The following LRRC4C variants were observed in gnomAD, a reference collection of about 807,000 sequenced individuals.
The protein encoded by LRRC4C is leucine rich repeat containing 4C.
LRRC4C carries 5 observed loss-of-function variants against 33.6 expected under a neutral mutation model. That is an observed-to-expected ratio of 0.15 (90% confidence interval 0.08 to 0.31). The LOEUF (loss-of-function observed/expected upper bound fraction) is 0.31, where lower values mean the gene tolerates loss of function less well. Ranked by LOEUF, LRRC4C falls within the 10% of genes least tolerant of loss-of-function variation. The pLI, the probability that LRRC4C is intolerant of heterozygous loss-of-function variation, is 1.00. For missense variants in LRRC4C, 560 were observed against 796.7 expected (o/e 0.70, Z 3.58); for synonymous variants, 329 against 302.0 (o/e 1.09, Z -0.93).
intron 2 of LRRC4C, among the ~76,000 whole-genome samples, chr11:40,754,558 A>G (rs1475987354): frequency 6.6e-6 from 1 of 152,202 alleles, no homozygotes; most frequent in East Asian, 1.9e-4. Flanking sequence ...GGTAGCTTCC[A>G]TAAAGCCTAC....
At chr11:40,162,834 A>T (rs1448752685) in intron 5 of LRRC4C, among the ~76,000 whole-genome samples, 1 of 152,210 alleles carries the variant, frequency 6.6e-6, no homozygotes, top group African/African-American at 2.4e-5. Context: ...AAATACAACA[A>T]TGAGGCACTT....
At chr11:40,629,084 G>A (rs1015553890) in intron 3 of LRRC4C, among the ~76,000 whole-genome samples, 6 of 152,074 alleles carry the variant, frequency 3.9e-5, no homozygotes, top group African/African-American at 1.4e-4. Context: ...TACTTAGCAA[G>A]TTGCAATTAA....
intron 1 of LRRC4C, among the ~76,000 whole-genome samples, chr11:40,982,181 G>A (rs1258913341): frequency 6.6e-6 from 1 of 152,154 alleles, no homozygotes; most frequent in Non-Finnish European, 1.5e-5. Flanking sequence ...GTAGAGACAT[G>A]CAAATATATT....
At chr11:41,217,139 A>C (rs900069142) in intron 1 of LRRC4C, among the ~76,000 whole-genome samples, 5 of 152,180 alleles carry the variant, frequency 3.3e-5, no homozygotes, top group Non-Finnish European at 5.9e-5. Flanking sequence ...GGATTTCCAA[A>C]ATTTTGGCCA....
chr11:40,847,460 C>T (rs193205301), intron 2 of LRRC4C, among the ~76,000 whole-genome samples: 34 of 152,196 alleles, frequency 2.2e-4, no homozygotes, highest in African/African-American at 7.5e-4. Context: ...TGTTGATCTG[C>T]GTATGTTGAA....
At chr11:41,027,394 C>T (rs1313238774) in intron 1 of LRRC4C, among the ~76,000 whole-genome samples, 2 of 151,550 alleles carry the variant, frequency 1.3e-5, no homozygotes, top group East Asian at 1.9e-4. Flanking sequence ...TCTTCAATTA[C>T]TCTGATGAGC....
chr11:41,344,541 A>T (rs1040123561), intron 1 of LRRC4C, among the ~76,000 whole-genome samples: 1 of 151,980 alleles, frequency 6.6e-6, no homozygotes, highest in African/African-American at 2.4e-5. Context: ...ATCTTAACTC[A>T]TCAATGTGTT....
chr11:40,194,003 G>A (rs1862051362), intron 5 of LRRC4C, among the ~76,000 whole-genome samples: 2 of 152,140 alleles, frequency 1.3e-5, no homozygotes, highest in South Asian at 4.1e-4. Flanking sequence ...AAAGTGACAG[G>A]GAGAATGGAA....
intron 1 of LRRC4C, among the ~76,000 whole-genome samples, chr11:40,983,349 T>G (rs1440949397): frequency 6.6e-6 from 1 of 152,114 alleles, no homozygotes; most frequent in African/African-American, 2.4e-5. Context: ...CCTTACATCA[T>G]GTACAAAAGT....
chr11:40,597,029 G>A (rs897345903), intron 3 of LRRC4C, among the ~76,000 whole-genome samples: 4 of 152,114 alleles, frequency 2.6e-5, no homozygotes, highest in African/African-American at 7.2e-5. Context: ...AAATACAAAT[G>A]TGTTATTGAT....
intron 3 of LRRC4C, among the ~76,000 whole-genome samples, chr11:40,336,888 A>T (rs1946635403): frequency 6.8e-6 from 1 of 146,248 alleles, no homozygotes; most frequent in Admixed American, 6.9e-5. Flanking sequence ...GAGGCAGGAG[A>T]ATGGCGTGAA....
chr11:41,290,181 T>A (rs1034845462), intron 1 of LRRC4C, among the ~76,000 whole-genome samples: 1 of 152,170 alleles, frequency 6.6e-6, no homozygotes, highest in Admixed American at 6.5e-5. Flanking sequence ...AGATTTCCCA[T>A]AATGACAAGA....
At chr11:41,266,901 C>G (rs1949168605) in intron 1 of LRRC4C, among the ~76,000 whole-genome samples, 1 of 152,036 alleles carries the variant, frequency 6.6e-6, no homozygotes, top group Admixed American at 6.6e-5. Flanking sequence ...TGTGTTGGTT[C>G]AAGGAGAATT....
chr11:41,346,809 G>C (rs1368187357), intron 1 of LRRC4C, among the ~76,000 whole-genome samples: 1 of 152,080 alleles, frequency 6.6e-6, no homozygotes, highest in African/African-American at 2.4e-5. Flanking sequence ...TATACTGATT[G>C]ACAACTAAAG....
chr11:41,304,447 G>T (rs1950405158), intron 1 of LRRC4C, among the ~76,000 whole-genome samples: 1 of 89,802 alleles, frequency 1.1e-5, no homozygotes, highest in African/African-American at 4.3e-5. Context: ...GAGGTGAGGG[G>T]CGCCTCTGCC....
intron 4 of LRRC4C, among the ~76,000 whole-genome samples, chr11:40,250,308 G>A (rs1388451959): frequency 6.6e-6 from 1 of 151,984 alleles, no homozygotes; most frequent in African/African-American, 2.4e-5. Context: ...CCGAAATTCT[G>A]TTAAGCTTCC....
intron 3 of LRRC4C, among the ~76,000 whole-genome samples, chr11:40,453,046 G>T (rs549133342): frequency 1.4e-5 from 2 of 144,066 alleles, no homozygotes; most frequent in South Asian, 5.0e-4. Flanking sequence ...TTGGGGGAGG[G>T]GGGAGGGATA....
intron 1 of LRRC4C, among the ~76,000 whole-genome samples, chr11:41,151,370 G>C (rs1943990701): frequency 6.6e-6 from 1 of 152,164 alleles, no homozygotes; most frequent in African/African-American, 2.4e-5. Flanking sequence ...CAGATAAGGT[G>C]ATAGAGAAAT....
At chr11:41,339,467 T>C (rs1209589620) in intron 1 of LRRC4C, among the ~76,000 whole-genome samples, 2 of 152,048 alleles carry the variant, frequency 1.3e-5, no homozygotes, top group Non-Finnish European at 2.9e-5. Flanking sequence ...AATGCAAAGG[T>C]CATTTGCAGA....
Sources: allele counts gnomAD v4.1 joint callset (sites outside exome capture counted in the v4.1 genomes callset), GRCh38; gene constraint gnomAD v4.1.1; transcripts MANE v1.5; gene names NCBI Gene and HGNC (gene_info 2026-07-23, HGNC 2026-07-21).